Variants in ARID1B observed in about 807,000 individuals in gnomAD.
ARID1B encodes the protein AT-rich interactive domain-containing protein 1B.
A neutral mutation model predicts 212.3 loss-of-function variants in ARID1B; 30 were observed. The observed-to-expected ratio is 0.14, with a 90% CI of 0.11 to 0.19. The LOEUF (loss-of-function observed/expected upper bound fraction) is 0.19. Ranked by LOEUF, ARID1B falls within the 10% of genes least tolerant of loss-of-function variation. ARID1B has a pLI of 1.00. For missense variants in ARID1B, 2,891 were observed against 3,204.0 expected (o/e 0.90, Z 2.36); for synonymous variants, 1,402 against 1,301.7 (o/e 1.08, Z -1.66).
intron 1 of ARID1B, among the ~76,000 whole-genome samples, chr6:156,823,239 G>A (rs891527949): frequency 1.3e-5 from 2 of 152,140 alleles, no homozygotes; most frequent in Non-Finnish European, 1.5e-5. Flanking sequence ...TGAGTAGGTG[G>A]GCCCTGGGCT....
intron 5 of ARID1B, among the ~76,000 whole-genome samples, chr6:157,109,950 G>A (rs1786780939): frequency 6.6e-6 from 1 of 152,210 alleles, no homozygotes; most frequent in Non-Finnish European, 1.5e-5. Context: ...CATGTATACT[G>A]CATTTTATAG....
At chr6:156,849,388 T>G (rs1784432513) in intron 2 of ARID1B, among the ~76,000 whole-genome samples, 1 of 152,142 alleles carries the variant, frequency 6.6e-6, no homozygotes, top group Non-Finnish European at 1.5e-5. Flanking sequence ...GGTAAGGAAT[T>G]TGGTAAAGTG....
At chr6:156,910,943 A>G (rs1789822958) in intron 3 of ARID1B, among the ~76,000 whole-genome samples, 1 of 152,252 alleles carries the variant, frequency 6.6e-6, no homozygotes, top group South Asian at 2.1e-4. Context: ...ATAAGGCACT[A>G]ACTATATATG....
At chr6:157,021,146 G>GGAC (rs1005260525) in intron 4 of ARID1B, among the ~76,000 whole-genome samples, 1 of 152,120 alleles carries the variant, frequency 6.6e-6, no homozygotes, top group African/African-American at 2.4e-5. Context: ...AGGGTGTGAA[G>GGAC]GACGCAGGAC....
intron 11 of ARID1B, among the ~76,000 whole-genome samples, chr6:157,179,288 C>T (rs1432236048): frequency 1.3e-5 from 2 of 152,096 alleles, no homozygotes; most frequent in Non-Finnish European, 2.9e-5. Flanking sequence ...TAATAACTGT[C>T]CCATTAATGA....
In ARID1B at chr6:157,203,683, C is replaced by T. The variant is rs1456942658; in HGVS notation, c.5264-183C>T. On this transcript the variant is annotated intron_variant, in intron 18 of 19. Coordinates refer to ENST00000636930, the MANE Select transcript of ARID1B (RefSeq NM_001374828.1). The surrounding 1 kb of genome is among the most constrained non-coding windows in gnomAD (Gnocchi z 4.4). ...GAGATCTGAAACCACAAAAGTTTCTCGTTACAGCTATGGCCTCCATTTAAA... is the reference window on the plus strand; with the variant it reads ...GAGATCTGAAACCACAAAAGTTTCTTGTTACAGCTATGGCCTCCATTTAAA... 8 of 772,386 alleles carry T rather than the reference C, an allele frequency of 1.0e-5. No individual in the cohort carries two copies. Among genetic ancestry groups the T allele is most frequent in the South Asian group, 3.5e-5 (2 of 56,700 alleles). 47.8% of individuals were successfully genotyped at this position (772,386 alleles called of 1,614,324 possible).
chr6:156,796,337 AAAC>A (rs1469123711), intron 1 of ARID1B, among the ~76,000 whole-genome samples: 1 of 152,204 alleles, frequency 6.6e-6, no homozygotes. Flanking sequence ...AGGAAGAAAA[AAAC>A]AACAAAATCT....
chr6:156,828,818 G>A (rs1782939766), intron 1 of ARID1B, among the ~76,000 whole-genome samples: 1 of 152,176 alleles, frequency 6.6e-6, no homozygotes, highest in South Asian at 2.1e-4. Flanking sequence ...ATTGTTCTAA[G>A]AATACTTTGA....
intron 1 of ARID1B, chr6:156,780,440 GC>G (rs1328926301): frequency 1.3e-5 from 2 of 152,268 alleles, no homozygotes; most frequent in Non-Finnish European, 2.9e-5. Context: ...AGTAGGCTGA[GC>G]CTAAAGACTG....
At chr6:157,065,250 C>T (rs186734792) in intron 4 of ARID1B, among the ~76,000 whole-genome samples, 26 of 152,214 alleles carry the variant, frequency 1.7e-4, no homozygotes, top group African/African-American at 6.3e-4. Flanking sequence ...AAAATGCTTT[C>T]AAATGTGATA....
At chr6:157,110,345 C>A in intron 5 of ARID1B, 127 bp from the exon 6 acceptor site, 1 of 754,780 alleles carries the variant, frequency 1.3e-6, no homozygotes, top group African/African-American at 1.7e-5. Context: ...TGAGCTATGT[C>A]TTTTTTTAAT....
At chr6:156,868,053 C>A (rs1785838383) in intron 2 of ARID1B, among the ~76,000 whole-genome samples, 1 of 152,204 alleles carries the variant, frequency 6.6e-6, no homozygotes, top group Non-Finnish European at 1.5e-5. Context: ...TTCCATCCTA[C>A]CTTTCTATGA....
Position 156,989,666 on chromosome 6 carries a change from C to A in ARID1B, c.2247+54090C>A, listed in dbSNP as rs190252669. Among the ~76,000 whole-genome samples, 26 of 152,330 alleles carry A rather than the reference C, an allele frequency of 1.7e-4. No homozygotes were observed. The East Asian group carries it at 3.1e-3, about 18-fold the overall frequency. On this transcript the variant is annotated intron_variant, in intron 4 of 19. Coordinates refer to ENST00000636930, the MANE Select transcript of ARID1B (RefSeq NM_001374828.1). ...GTAAAATGGAGATGATAATCTACCC[C>A]ACAGGCTAGTCTGAGGAGTCAGTGA...
At position 156,851,061 on chromosome 6, in the gene ARID1B, T is replaced by C. The variant is rs146776016; in HGVS notation, c.1986+21640T>C. 1.9e-3 allele frequency among the ~76,000 whole-genome samples: 282 copies of C among 152,316 alleles called. 2 individuals are homozygous for C. Among genetic ancestry groups the C allele is most frequent in the African/African-American group, 6.4e-3 (268 of 41,574 alleles). On this transcript the variant is annotated intron_variant, in intron 2 of 19. Transcript: ENST00000636930. ...TTGAATGTTCTGTGTGGTTATATTA[T>C]TTATTACCGTGGGGGAATGAGCCAG...
At chr6:156,988,286 A>G (rs934823951) in intron 4 of ARID1B, among the ~76,000 whole-genome samples, 1 of 152,232 alleles carries the variant, frequency 6.6e-6, no homozygotes, top group African/African-American at 2.4e-5. Context: ...CTTAATTTAC[A>G]TATGCCCAAT....
intron 3 of ARID1B, among the ~76,000 whole-genome samples, chr6:156,927,445 A>AT (rs1018444651): frequency 7.9e-5 from 12 of 152,206 alleles, no homozygotes; most frequent in East Asian, 5.8e-4. Flanking sequence ...CAAACTCATC[A>AT]TTTTTTGGGA....
intron 4 of ARID1B, chr6:156,985,577 T>C (rs1777870576): frequency 6.6e-6 from 1 of 152,264 alleles, no homozygotes; most frequent in Non-Finnish European, 1.5e-5. Context: ...ATTGGCTGTT[T>C]ATTTTTTGTT....
At chr6:157,008,544 G>A (rs1320832142) in intron 4 of ARID1B, among the ~76,000 whole-genome samples, 1 of 152,142 alleles carries the variant, frequency 6.6e-6, no homozygotes, top group Non-Finnish European at 1.5e-5. Flanking sequence ...GATCTCTTCA[G>A]CTTAACTCAG....
chr6:156,932,848 G>C (rs1216169564), intron 3 of ARID1B, among the ~76,000 whole-genome samples: 1 of 152,140 alleles, frequency 6.6e-6, no homozygotes, highest in Non-Finnish European at 1.5e-5. Context: ...CATAAGCTGA[G>C]GCAGAACACG....
Sources: gnomAD v4.1 joint callset for allele counts (sites outside exome capture counted in the v4.1 genomes callset) on GRCh38, gnomAD v4.1.1 for gene constraint, Gnocchi (gnomAD v3.1) non-coding constraint, MANE v1.5 for transcripts, NCBI Gene and HGNC (gene_info 2026-07-23, HGNC 2026-07-21) for gene names.